Variants in ARL15 observed in about 807,000 individuals in gnomAD.
The protein encoded by ARL15 is ARF like GTPase 15, also known as ADP-ribosylation factor-like protein 15.
In ARL15, 19 loss-of-function variants were observed where a neutral mutation model predicts 25.2. The observed-to-expected ratio is 0.75, with a 90% CI of 0.53 to 1.10. The LOEUF is 1.10. Among genes scored for constraint, ARL15 ranks in the 50% least tolerant of loss-of-function variants. ARL15 has a pLI of 0.00. For synonymous variants in ARL15, 94 were observed against 86.8 expected, an observed-to-expected ratio of 1.08 and a Z score of -0.46; for missense variants, 220 against 246.0, an observed-to-expected ratio of 0.89 and a Z score of 0.71.
intron 1 of ARL15, among the ~76,000 whole-genome samples, chr5:54,172,969 A>G (rs1754764673): frequency 6.6e-6 from 1 of 152,170 alleles, no homozygotes; most frequent in Non-Finnish European, 1.5e-5. Flanking sequence ...CTGTAATCCC[A>G]GCACTTTGGG....
intron 4 of ARL15, among the ~76,000 whole-genome samples, chr5:54,097,297 CAGAGTGAGACTCCATCTCA>C (rs1382576249): frequency 2.8e-4 from 1 of 3,618 alleles, no homozygotes; most frequent in East Asian, 0.1. Context: ...AGCCTGGTGA[CAGAGTGAGACTCCATCTCA>C]AAAAACAAAC....
At chr5:54,222,966 C>T (rs35219985) in intron 1 of ARL15, among the ~76,000 whole-genome samples, 2 of 149,412 alleles carry the variant, frequency 1.3e-5, no homozygotes, top group African/African-American at 5.0e-5. Context: ...ACTACAGGCA[C>T]GCGTCACTAT....
chr5:54,177,215 TG>T (rs1370972716), intron 1 of ARL15, among the ~76,000 whole-genome samples: 1 of 152,194 alleles, frequency 6.6e-6, no homozygotes, highest in African/African-American at 2.4e-5. Flanking sequence ...CCCCATTCTG[TG>T]TACCCACAAA....
chr5:54,297,725 G>A (rs781114068), intron 1 of ARL15, among the ~76,000 whole-genome samples: 2 of 152,088 alleles, frequency 1.3e-5, no homozygotes, highest in Admixed American at 6.5e-5. Flanking sequence ...TTTCTGACTT[G>A]TTACTCCATA....
At chr5:54,215,212 C>G (rs1756159934) in intron 1 of ARL15, among the ~76,000 whole-genome samples, 1 of 151,930 alleles carries the variant, frequency 6.6e-6, no homozygotes, top group African/African-American at 2.4e-5. Flanking sequence ...ACTTTTCTGT[C>G]TTAAAGTTTT....
At chr5:53,908,554 A>G (rs1745348559) in intron 4 of ARL15, among the ~76,000 whole-genome samples, 1 of 152,252 alleles carries the variant, frequency 6.6e-6, no homozygotes, top group South Asian at 2.1e-4. Context: ...GAAAGGTCTC[A>G]GAACAAATGC....
At chr5:53,896,407 C>T (rs1216689314) in intron 4 of ARL15, among the ~76,000 whole-genome samples, 2 of 152,052 alleles carry the variant, frequency 1.3e-5, no homozygotes, top group Non-Finnish European at 2.9e-5. Flanking sequence ...AAACAATTTG[C>T]CATCCCAAAT....
At chr5:54,217,128 T>C (rs1756229799) in intron 1 of ARL15, among the ~76,000 whole-genome samples, 1 of 151,514 alleles carries the variant, frequency 6.6e-6, no homozygotes, top group Non-Finnish European at 1.5e-5. Context: ...GGAAGATTTA[T>C]CCTCCCAAAG....
intron 1 of ARL15, among the ~76,000 whole-genome samples, chr5:54,274,893 C>CA (rs555641284): frequency 1.2e-4 from 18 of 151,694 alleles, no homozygotes; most frequent in African/African-American, 3.1e-4. Context: ...GATTCTGTCT[C>CA]AAAAAAAACC....
intron 4 of ARL15, among the ~76,000 whole-genome samples, chr5:53,959,523 G>C (rs1032956400): frequency 6.6e-6 from 1 of 152,308 alleles, no homozygotes; most frequent in East Asian, 1.9e-4. Context: ...ATTTTATGTA[G>C]AAGATATGCT....
chr5:54,215,068 CCTT>C (rs1344377830), intron 1 of ARL15, among the ~76,000 whole-genome samples: 5 of 152,100 alleles, frequency 3.3e-5, no homozygotes, highest in Non-Finnish European at 4.4e-5. Flanking sequence ...AGCAGAACAT[CCTT>C]CTTATCACTT....
chr5:53,994,931 T>C (rs1428084296), intron 4 of ARL15, among the ~76,000 whole-genome samples: 3 of 152,156 alleles, frequency 2.0e-5, no homozygotes, highest in African/African-American at 7.2e-5. Context: ...CACCTCAGTC[T>C]CCCAAAGTAC....
In ARL15 at chr5:54,106,099, A is replaced by T. The variant is rs568518104; in HGVS notation, c.462+7103T>A. Among the ~76,000 whole-genome samples the T allele has an allele frequency of 7.9e-5, 12 of 152,280 alleles. No individual in the cohort carries two copies. In the South Asian group the frequency reaches 8.3e-4, roughly 11 times the overall value. ...GAGAATAGTACCCTGATATGGTGTTAAAAAAAGTCCACAAATAGACAAACA... is the reference window on the plus strand; with the variant it reads ...GAGAATAGTACCCTGATATGGTGTTTAAAAAAGTCCACAAATAGACAAACA... On this transcript the variant is annotated intron_variant, in intron 4 of 4. Coordinates refer to ENST00000504924, the MANE Select transcript of ARL15 (RefSeq NM_019087.3).
At chr5:53,926,148 C>T (rs551583216) in intron 4 of ARL15, among the ~76,000 whole-genome samples, 2 of 152,168 alleles carry the variant, frequency 1.3e-5, no homozygotes, top group East Asian at 3.9e-4. Flanking sequence ...GAATGTAATA[C>T]AGAAAACTGG....
chr5:54,299,774 G>C (rs1453339532), intron 1 of ARL15, among the ~76,000 whole-genome samples: 3 of 151,854 alleles, frequency 2.0e-5, no homozygotes, highest in Non-Finnish European at 4.4e-5. Context: ...TATTTTAGTA[G>C]AGATGGGGTT....
intron 4 of ARL15, among the ~76,000 whole-genome samples, chr5:54,003,662 T>TTCCA (rs1158224598): frequency 7.2e-5 from 10 of 138,430 alleles, no homozygotes; most frequent in Middle Eastern, 3.6e-3. Flanking sequence ...AATATTTTCT[T>TTCCA]TCTATCTATC....
intron 4 of ARL15, among the ~76,000 whole-genome samples, chr5:54,071,979 G>GAAAAAAAAAA (rs71989027): frequency 2.4e-3 from 308 of 125,912 alleles, no homozygotes; most frequent in Middle Eastern, 4.2e-3. Flanking sequence ...CTCAAAAAAA[G>GAAAAAAAAAA]AAAAAAAAAA....
At chr5:54,163,355 GCTTTTTTTT>G (rs1449349800) in intron 2 of ARL15, among the ~76,000 whole-genome samples, 791 of 51,270 alleles carry the variant, frequency 0.015, 110 homozygotes, top group Non-Finnish European at 0.02. Context: ...TTGGTATGAA[GCTTTTTTTT>G]TTTTTTTTTT....
intron 4 of ARL15, among the ~76,000 whole-genome samples, chr5:53,999,694 C>T (rs1748792258): frequency 6.6e-6 from 1 of 152,146 alleles, no homozygotes; most frequent in Admixed American, 6.5e-5. Context: ...GGGCGGATCA[C>T]CTGAAGTTGG....
Sources: gnomAD v4.1 joint callset for allele counts (sites outside exome capture counted in the v4.1 genomes callset) on GRCh38, gnomAD v4.1.1 for gene constraint, MANE v1.5 for transcripts, NCBI Gene and HGNC (gene_info 2026-07-23, HGNC 2026-07-21) for gene names.